DLC1: variants seen among roughly 807,000 people sequenced by gnomAD.
DLC1 encodes the protein DLC1 Rho GTPase activating protein.
A neutral mutation model predicts 140.3 loss-of-function variants in DLC1; 54 were observed. The ratio of observed to expected loss-of-function variants is 0.38; its 90% CI spans 0.31 to 0.48. DLC1 has a LOEUF of 0.48. Ranked by LOEUF, DLC1 falls within the 20% of genes least tolerant of loss-of-function variation. The pLI, the probability that DLC1 is intolerant of heterozygous loss-of-function variation, is 0.96. For synonymous variants in DLC1, 986 were observed against 728.1 expected, an observed-to-expected ratio of 1.35 and a Z score of -5.70; for missense variants, 2,536 against 1,907.0, an observed-to-expected ratio of 1.33 and a Z score of -6.14.
At chr8:13,379,975 C>T (rs543161911) in intron 4 of DLC1, among the ~76,000 whole-genome samples, 14 of 152,224 alleles carry the variant, frequency 9.2e-5, no homozygotes, top group African/African-American at 3.4e-4. Context: ...GAGGGGAAAT[C>T]CATCCTTCTT....
At chr8:13,120,326 GA>G (rs1820935490) in intron 5 of DLC1, among the ~76,000 whole-genome samples, 1 of 34,098 alleles carries the variant, frequency 2.9e-5, no homozygotes, top group Non-Finnish European at 9.9e-5. Context: ...CTGGATGACA[GA>G]AAGAGACTCC....
chr8:13,544,938 C>T (rs1021506502), intron 1 of DLC1, among the ~76,000 whole-genome samples: 1 of 152,156 alleles, frequency 6.6e-6, no homozygotes, highest in African/African-American at 2.4e-5. Flanking sequence ...CTGCCACCTT[C>T]AGGGGGGCAC....
At position 13,562,606 on chromosome 8, in the gene DLC1, A is replaced by G. The variant is rs575887258; in HGVS notation, c.-126+41931T>C. 7.2e-5 allele frequency among the ~76,000 whole-genome samples: 11 copies of G among 152,334 alleles called. No homozygotes were observed. In the South Asian group the frequency reaches 2.1e-3, roughly 29 times the overall value. On this transcript the variant is annotated intron_variant, in intron 1 of 1. Transcript: ENST00000631382. ...CAGGCTTTTGGGAACAGATGCTCCC[A>G]TACATTGCTGGCAGAAATGTCATAT...
At chr8:13,192,049 C>T (rs148670926) in intron 5 of DLC1, among the ~76,000 whole-genome samples, 1 of 151,762 alleles carries the variant, frequency 6.6e-6, no homozygotes, top group African/African-American at 2.4e-5. Flanking sequence ...TCCAGAGGTT[C>T]TCCTGCCTCA....
chr8:13,516,524 C>G (rs28504466), upstream of DLC1, among the ~76,000 whole-genome samples: 3,569 of 152,188 alleles, frequency 0.023, 167 homozygotes, highest in African/African-American at 0.081. Context: ...TAATGCAAAT[C>G]ATGAACCATA....
At chr8:13,293,082 T>C (rs1831823447) in intron 5 of DLC1, among the ~76,000 whole-genome samples, 1 of 152,050 alleles carries the variant, frequency 6.6e-6, no homozygotes, top group African/African-American at 2.4e-5. Flanking sequence ...TTTTAAAAAT[T>C]AGTTGGTCAT....
intron 2 of DLC1, among the ~76,000 whole-genome samples, chr8:13,494,399 C>A (rs1801405348): frequency 6.6e-6 from 1 of 152,152 alleles, no homozygotes; most frequent in Non-Finnish European, 1.5e-5. Flanking sequence ...CATGAAATTG[C>A]AGTGAAGCCG....
chr8:13,168,542 G>A (rs901578465), intron 5 of DLC1, among the ~76,000 whole-genome samples: 2 of 152,166 alleles, frequency 1.3e-5, no homozygotes, highest in Non-Finnish European at 2.9e-5. Flanking sequence ...TAGATTAATG[G>A]TCAGGATATT....
rs559045190 is a variant in DLC1, at chr8:13,367,629, C to T, written c.1314+25924G>A. 1.9e-4 allele frequency among the ~76,000 whole-genome samples: 29 copies of T among 152,250 alleles called. 1 individual carries two copies. In the South Asian group the frequency reaches 3.7e-3, roughly 20 times the overall value. On this transcript the variant is annotated intron_variant, in intron 4 of 17. Transcript: ENST00000276297. ...CATAGTCTAGCACACTGAATCTTTC[C>T]TGTATCCTTTGAAGTCATCATATCA...
chr8:13,405,703 T>G (rs185356161), intron 2 of DLC1, among the ~76,000 whole-genome samples: 1 of 152,102 alleles, frequency 6.6e-6, no homozygotes, highest in East Asian at 1.9e-4. Flanking sequence ...TTTCTTCCTG[T>G]CAATATACAG....
intron 4 of DLC1, among the ~76,000 whole-genome samples, chr8:13,378,850 G>A (rs1046397824): frequency 5.9e-5 from 9 of 151,992 alleles, no homozygotes; most frequent in African/African-American, 1.4e-4. Flanking sequence ...ATATAATTAC[G>A]AATAATCCAC....
intron 1 of DLC1, among the ~76,000 whole-genome samples, chr8:13,577,605 C>G (rs1358567851): frequency 2.0e-5 from 3 of 152,082 alleles, no homozygotes; most frequent in Non-Finnish European, 4.4e-5. Flanking sequence ...AATTTAGAAC[C>G]TACATTGTAT....
At chr8:13,395,153 C>A (rs1262170958) in intron 3 of DLC1, among the ~76,000 whole-genome samples, 1 of 151,074 alleles carries the variant, frequency 6.6e-6, no homozygotes, top group Admixed American at 6.6e-5. Flanking sequence ...TGGAGTCTCA[C>A]ACCGTCGCCC....
chr8:13,104,188 A>G (rs1351642638), intron 7 of DLC1, among the ~76,000 whole-genome samples: 1 of 152,122 alleles, frequency 6.6e-6, no homozygotes, highest in African/African-American at 2.4e-5. Context: ...CTGTAACTTC[A>G]AGGATCCAAA....
At chr8:13,385,187 G>C (rs1836462054) in intron 4 of DLC1, among the ~76,000 whole-genome samples, 1 of 152,166 alleles carries the variant, frequency 6.6e-6, no homozygotes, top group East Asian at 1.9e-4. Context: ...AACTAATTTG[G>C]TAAATGCTTA....
chr8:13,525,140 A>G (rs1027045677), intron 1 of DLC1, among the ~76,000 whole-genome samples: 1 of 152,194 alleles, frequency 6.6e-6, no homozygotes, highest in African/African-American at 2.4e-5. Flanking sequence ...TTATTTTGAG[A>G]TCCATCCATG....
intron 4 of DLC1, among the ~76,000 whole-genome samples, chr8:13,364,233 T>C (rs1247456978): frequency 6.6e-6 from 1 of 152,156 alleles, no homozygotes; most frequent in Non-Finnish European, 1.5e-5. Context: ...TCAGATCTGC[T>C]TACCTAGTTT....
At chr8:13,276,367 G>A (rs1441528095) in intron 5 of DLC1, 5 of 1,520,742 alleles carry the variant, frequency 3.3e-6, no homozygotes, top group Non-Finnish European at 4.4e-6. Context: ...GCTCGCAGGG[G>A]GCGCGCCATC....
intron 5 of DLC1, among the ~76,000 whole-genome samples, chr8:13,196,660 G>C (rs541657142): frequency 2.0e-5 from 3 of 152,164 alleles, no homozygotes; most frequent in Non-Finnish European, 4.4e-5. Flanking sequence ...AGTTCTCCAG[G>C]GAAACCTTGA....
Sources: allele counts gnomAD v4.1 joint callset (sites outside exome capture counted in the v4.1 genomes callset), GRCh38; gene constraint gnomAD v4.1.1; transcripts MANE v1.5; gene names NCBI Gene and HGNC (gene_info 2026-07-23, HGNC 2026-07-21).